EML6: variants seen among roughly 807,000 people sequenced by gnomAD.
EML6 encodes the protein EMAP like 6, also known as echinoderm microtubule-associated protein-like 6.
EML6 carries 154 observed loss-of-function variants against 240.1 expected under a neutral mutation model. The observed-to-expected ratio is 0.64, with a 90% CI of 0.56 to 0.73. EML6 has a LOEUF of 0.73. Ranked by LOEUF, EML6 falls within the 30% of genes least tolerant of loss-of-function variation. EML6 has a pLI of 0.00. For synonymous variants in EML6, 1,148 were observed against 899.0 expected, an observed-to-expected ratio of 1.28 and a Z score of -4.95; for missense variants, 2,964 against 2,474.6, an observed-to-expected ratio of 1.20 and a Z score of -4.20.
chr2:54,766,465 T>C (rs1572872496), intron 2 of EML6, among the ~76,000 whole-genome samples: 1 of 152,294 alleles, frequency 6.6e-6, no homozygotes, highest in East Asian at 1.9e-4. Flanking sequence ...CAATTTTGTT[T>C]ATATAATTTT....
intron 8 of EML6, 83 bp from the exon 9 acceptor site, chr2:54,847,403 G>A (rs1250629748): frequency 7.0e-7 from 1 of 1,423,060 alleles, no homozygotes; most frequent in Non-Finnish European, 9.5e-7. Flanking sequence ...TGTTGGTGTG[G>A]TGAGCAGCCC....
chr2:54,853,355 G>T (rs1235016551), intron 10 of EML6, among the ~76,000 whole-genome samples: 1 of 151,992 alleles, frequency 6.6e-6, no homozygotes, highest in Admixed American at 6.6e-5. Context: ...TGTGTTTATT[G>T]GGTACATGTG....
rs1673141840 is a variant in EML6, at chr2:54,903,027, T to G, written c.3125-17T>G. The G allele has an allele frequency of 1.3e-6, 2 of 1,545,484 alleles. No homozygotes were observed. Among genetic ancestry groups the G allele is most frequent in the Non-Finnish European group, 1.7e-6 (2 of 1,145,018 alleles). ...GAAGTTTTGGATAATAAGTGTTTTT[T>G]GTGGATTCTTCTGTAGGTGGAAGAT... is the stretch of plus-strand genomic sequence containing the variant. On this transcript the variant is annotated splice_polypyrimidine_tract_variant and intron_variant, in intron 22 of 41. Coordinates refer to ENST00000356458, the MANE Select transcript of EML6 (RefSeq NM_001039753.4).
chr2:54,951,258 C>T (rs1185644245), intron 30 of EML6, among the ~76,000 whole-genome samples: 1 of 152,158 alleles, frequency 6.6e-6, no homozygotes, highest in East Asian at 1.9e-4. Context: ...CCAGGCCCGG[C>T]AAGGTGGCTC....
At position 54,970,265 on chromosome 2, in the gene EML6, ACT is replaced by A. The variant is rs1337875059; in HGVS notation, c.*174_*175del. 3.0e-5 allele frequency: 20 copies of A among 663,634 alleles called. No homozygotes were observed. Among genetic ancestry groups the A allele is most frequent in the Non-Finnish European group, 4.7e-5 (18 of 380,526 alleles). 41.1% of individuals were successfully genotyped at this position (663,634 alleles called of 1,614,324 possible). ...TTACACAACTGCTCCCATAATCTGG[ACT>A]CTCCAAAACCGTGATGCCACGAAGG... On this transcript the variant is annotated 3_prime_UTR_variant, in exon 42 of 42. Transcript: ENST00000356458.
chr2:54,919,242 T>TCCC (rs5831329), intron 26 of EML6, among the ~76,000 whole-genome samples: 53 of 128,496 alleles, frequency 4.1e-4, no homozygotes, highest in African/African-American at 1.5e-3. Context: ...CTATTTTGCT[T>TCCC]CCCCCCCCCC....
At chr2:54,958,072 G>A (rs1307614687) in intron 33 of EML6, 74 bp downstream of exon 33, 2 of 1,347,642 alleles carry the variant, frequency 1.5e-6, no homozygotes, top group Non-Finnish European at 2.0e-6. Flanking sequence ...GGGCAGGAGG[G>A]GAGTTTGGCC....
chr2:54,834,878 A>G lies in EML6; in HGVS notation c.847+5401A>G, dbSNP rs138684064. 3.1e-3 allele frequency among the ~76,000 whole-genome samples: 478 copies of G among 152,100 alleles called. 4 individuals carry two copies. Among genetic ancestry groups the G allele is most frequent in the African/African-American group, 0.011 (460 of 41,468 alleles). ...AAGTTGCATTCCTGCTTCGACCACC[A>G]TCCTCTGCACAGCAGCTAGAGGGAT... On this transcript the variant is annotated intron_variant, in intron 7 of 41. Transcript: ENST00000356458.
Position 54,802,784 on chromosome 2 carries a change from G to A in EML6, c.198-10448G>A, listed in dbSNP as rs555668333. On this transcript the variant is annotated intron_variant, in intron 2 of 41. Coordinates refer to ENST00000356458, the MANE Select transcript of EML6 (RefSeq NM_001039753.4). ...CTGTGTCTCACACCCTGTGCTGAGC[G>A]TTCCCATTTACCCCATTTGGCAGAT... 5.8e-4 allele frequency among the ~76,000 whole-genome samples: 88 copies of A among 152,094 alleles called. 1 individual carries two copies. Among genetic ancestry groups the A allele is most frequent in the Non-Finnish European group, 1.0e-3 (71 of 68,016 alleles).
At chr2:54,865,843 T>C (rs899045196) in intron 13 of EML6, among the ~76,000 whole-genome samples, 1 of 152,224 alleles carries the variant, frequency 6.6e-6, no homozygotes, top group African/African-American at 2.4e-5. Flanking sequence ...AGGGATTTTT[T>C]AACTCAATTT....
intron 28 of EML6, among the ~76,000 whole-genome samples, chr2:54,933,446 A>G (rs761431459): frequency 6.6e-6 from 1 of 152,080 alleles, no homozygotes; most frequent in Non-Finnish European, 1.5e-5. Flanking sequence ...AAACTATTCT[A>G]TATATAGGCC....
At chr2:54,843,525 G>T (rs1291520129) in intron 7 of EML6, among the ~76,000 whole-genome samples, 1 of 152,108 alleles carries the variant, frequency 6.6e-6, no homozygotes, top group Non-Finnish European at 1.5e-5. Flanking sequence ...AAGGGGTGGA[G>T]GAAACATCCA....
chr2:54,893,853 TG>T (rs1157947144), intron 19 of EML6, among the ~76,000 whole-genome samples: 3 of 152,304 alleles, frequency 2.0e-5, no homozygotes, highest in Admixed American at 6.5e-5. Flanking sequence ...TGTTTTGTTT[TG>T]TTTTTTTATT....
intron 38 of EML6, 165 bp from the exon 39 acceptor site, chr2:54,966,835 T>C (rs1296874736): frequency 6.3e-6 from 3 of 476,508 alleles, no homozygotes; most frequent in Non-Finnish European, 1.2e-5. Flanking sequence ...CCTGCTGTTG[T>C]TGTCATGGGC....
chr2:54,797,164 C>CAAAAAAAAAAAA (rs773498648), intron 2 of EML6, among the ~76,000 whole-genome samples: 10 of 43,826 alleles, frequency 2.3e-4, no homozygotes, highest in African/African-American at 2.9e-4. Context: ...GACTCCATCT[C>CAAAAAAAAAAAA]AAAAAAAAAA....
chr2:54,833,234 G>A (rs1460681183), intron 7 of EML6, among the ~76,000 whole-genome samples: 2 of 152,200 alleles, frequency 1.3e-5, no homozygotes, highest in Non-Finnish European at 2.9e-5. Flanking sequence ...TGTGCCACCT[G>A]TAAAGACTTC....
intron 2 of EML6, among the ~76,000 whole-genome samples, chr2:54,778,322 G>A (rs1026956233): frequency 6.6e-6 from 1 of 152,172 alleles, no homozygotes; most frequent in African/African-American, 2.4e-5. Flanking sequence ...TCTGAAGTTT[G>A]TGCTAAATAT....
chr2:54,745,080 T>C (rs1000972680), intron 2 of EML6, among the ~76,000 whole-genome samples: 2 of 152,044 alleles, frequency 1.3e-5, no homozygotes, highest in Admixed American at 1.3e-4. Context: ...AGAGAAGGGA[T>C]GCTGGAGGCG....
chr2:54,952,830 G>T (rs549547684), intron 31 of EML6, 138 bp downstream of exon 31: 422 of 630,488 alleles, frequency 6.7e-4, no homozygotes, highest in African/African-American at 6.5e-3. Context: ...TTTGAGTCCT[G>T]AGTGTATCTG....
Sources: allele counts gnomAD v4.1 joint callset (sites outside exome capture counted in the v4.1 genomes callset), GRCh38; gene constraint gnomAD v4.1.1; transcripts MANE v1.5; gene names NCBI Gene and HGNC (gene_info 2026-07-23, HGNC 2026-07-21).